Variants in CEACAM16 observed in about 807,000 individuals in gnomAD.
CEACAM16 encodes the protein cell adhesion molecule CEACAM16.
In CEACAM16, 30 loss-of-function variants were observed where a neutral mutation model predicts 39.4. The observed-to-expected ratio is 0.76, with a 90% CI of 0.57 to 1.03. The LOEUF is 1.03. Ranked by LOEUF, CEACAM16 falls within the 50% of genes least tolerant of loss-of-function variation. CEACAM16 has a pLI of 0.00. For missense variants in CEACAM16, 521 were observed against 585.3 expected, an observed-to-expected ratio of 0.89 and a Z score of 1.13; for synonymous variants, 262 against 264.9, an observed-to-expected ratio of 0.99 and a Z score of 0.11.
chr19:44,703,948 T>C, intron 3 of CEACAM16, 70 bp from the exon 4 acceptor site: 1 of 1,473,842 alleles, frequency 6.8e-7, no homozygotes, highest in Non-Finnish European at 9.1e-7. Flanking sequence ...ATGCCCCTTG[T>C]TGGGGGAAGG....
rs575750177 is a variant in CEACAM16, at chr19:44,701,769, C to G, written c.37+276C>G. Among the ~76,000 whole-genome samples the G allele has an allele frequency of 3.0e-4, 46 of 152,296 alleles. No individual in the cohort carries two copies. The highest frequency in any genetic ancestry group is 1.1e-3 in the African/African-American group (45 of 41,558). On this transcript the variant is annotated intron_variant, in intron 2 of 6. Transcript: ENST00000587331. The surrounding 1 kb of genome is among the most constrained non-coding windows in gnomAD (Gnocchi z 4.0). ...AGGGAGCCGCTGTTGCTCCTTCATT[C>G]CTGCAGGTTTCTGTTTTATCAGCTA...
intron 4 of CEACAM16, among the ~76,000 whole-genome samples, chr19:44,705,240 A>C (rs1272300443): frequency 6.6e-6 from 1 of 152,092 alleles, no homozygotes; most frequent in Non-Finnish European, 1.5e-5. Context: ...AGAACCTAGA[A>C]GCACCAATTC....
rs375371763 is a variant in CEACAM16, at chr19:44,707,848, G to A, written c.941-13G>A. 39 of 1,516,064 alleles carry A rather than the reference G, an allele frequency of 2.6e-5. No homozygotes were observed. The highest frequency in any genetic ancestry group is 2.0e-4 in the Middle Eastern group (1 of 4,990). 93.9% of individuals were successfully genotyped at this position (1,516,064 alleles called of 1,614,324 possible). ...CAGACCAAACTGACCCAGCCCGCTCGCTCTCTCCCCAGCTGCAGCAGTTGC... is the reference window on the plus strand; with the variant it reads ...CAGACCAAACTGACCCAGCCCGCTCACTCTCTCCCCAGCTGCAGCAGTTGC... On this transcript the variant is annotated splice_polypyrimidine_tract_variant and intron_variant, in intron 5 of 6. Coordinates refer to ENST00000587331, the MANE Select transcript of CEACAM16 (RefSeq NM_001039213.4).
chr19:44,706,558 T>C (rs1382405910), intron 5 of CEACAM16, among the ~76,000 whole-genome samples: 1 of 152,138 alleles, frequency 6.6e-6, no homozygotes, highest in Admixed American at 6.6e-5. Context: ...CAGTGGGGAA[T>C]GGTCGTTCCC....
rs1254795197 is a variant in CEACAM16, at chr19:44,701,495, T to C, written c.37+2T>C. The stretch of plus-strand genomic sequence containing the variant: ...GGTACAGCTGGCTGCTCCTCAGTGG[T>C]GAGCGAGAATGGCACCCCCCAGCAC... On this transcript the variant is annotated splice_donor_variant, in intron 2 of 6. Transcript: ENST00000587331. LOFTEE classifies it high-confidence loss of function. The surrounding 1 kb of genome is among the most constrained non-coding windows in gnomAD (Gnocchi z 4.0). 1.3e-6 allele frequency: 2 copies of C among 1,563,384 alleles called. No individual in the cohort carries two copies. The highest frequency in any genetic ancestry group is 2.4e-5 in the East Asian group (1 of 41,898).
Position 44,708,100 on chromosome 19 carries a change from A to AACCTCACAGAC in CEACAM16, c.1183_1193dup (p.Gly399SerfsTer54). On this transcript the variant is annotated frameshift_variant, in exon 6 of 7. Transcript: ENST00000587331. LOFTEE classifies it high-confidence loss of function. ...CTGCTCGCTGTTGGTGCAGAAGCTGAACCTCACAGACACTGGCCGCTACAC... is the reference window on the plus strand; with the variant it reads ...CTGCTCGCTGTTGGTGCAGAAGCTGAACCTCACAGACACCTCACAGACACTGGCCGCTACAC... 1.2e-6 allele frequency: 2 copies of AACCTCACAGAC among 1,611,290 alleles called. No homozygotes were observed. Among genetic ancestry groups the AACCTCACAGAC allele is most frequent in the Non-Finnish European group, 1.7e-6 (2 of 1,178,920 alleles).
chr19:44,702,557 C>T (rs1343251883), intron 2 of CEACAM16, among the ~76,000 whole-genome samples: 2 of 152,260 alleles, frequency 1.3e-5, no homozygotes, highest in Non-Finnish European at 2.9e-5. Context: ...TCAAACCACA[C>T]GTCATTCAAA....
intron 5 of CEACAM16, among the ~76,000 whole-genome samples, chr19:44,706,604 G>C (rs1480860556): frequency 2.0e-5 from 3 of 152,176 alleles, no homozygotes; most frequent in Admixed American, 2.0e-4. Context: ...CATCCAAGGG[G>C]TGGATTTTCA....
intron 5 of CEACAM16, among the ~76,000 whole-genome samples, chr19:44,706,139 C>T (rs1425650362): frequency 6.6e-6 from 1 of 152,054 alleles, no homozygotes; most frequent in Non-Finnish European, 1.5e-5. Flanking sequence ...AGGTGGGTGC[C>T]ACTGCTCTAA....
intron 5 of CEACAM16, 51 bp from the exon 6 acceptor site, chr19:44,707,810 A>C: frequency 7.0e-7 from 1 of 1,432,714 alleles, no homozygotes. Flanking sequence ...GGAAGGGGAC[A>C]CCATGCCAGA....
At chr19:44,710,051 C>G (rs1335508504) in intron 6 of CEACAM16, among the ~76,000 whole-genome samples, 1 of 152,232 alleles carries the variant, frequency 6.6e-6, no homozygotes, top group East Asian at 1.9e-4. Flanking sequence ...TTCCCCAAGT[C>G]TGGAATCTTG....
chr19:44,704,049 C>T lies in CEACAM16; in HGVS notation c.414C>T (p.Asn138=), dbSNP rs527797823. The change falls in exon 4 of 7, where the codon AAC becomes AAT. Residue 138 remains asparagine (N), a synonymous_variant. Coordinates refer to ENST00000587331, the MANE Select transcript of CEACAM16 (RefSeq NM_001039213.4). The stretch of plus-strand genomic sequence containing the variant: ...TGGCCCAGCCCACAGTCTTGGCCAA[C>T]AGCACAGCGCTGGTGGAACGTCGAG... ...EILAQPTVLA[N]STALVERRDT... is the part of the protein sequence containing the mutation. 2.5e-6 allele frequency: 4 copies of T among 1,607,210 alleles called. No individual in the cohort carries two copies. Among genetic ancestry groups the T allele is most frequent in the African/African-American group, 1.3e-5 (1 of 74,858 alleles).
chr19:44,702,219 G>A (rs1033616131), intron 2 of CEACAM16, among the ~76,000 whole-genome samples: 12 of 152,038 alleles, frequency 7.9e-5, no homozygotes, highest in African/African-American at 2.9e-4. Context: ...CTTGAATCCA[G>A]GAGGTGGAGG....
chr19:44,702,202 A>C (rs1974358199), intron 2 of CEACAM16, among the ~76,000 whole-genome samples: 1 of 152,066 alleles, frequency 6.6e-6, no homozygotes, highest in Non-Finnish European at 1.5e-5. Flanking sequence ...CTGAGGCAGG[A>C]GAATCACTTG....
Position 44,710,658 on chromosome 19 carries a change from C to T in CEACAM16, c.*152C>T, listed in dbSNP as rs909041979. 1 of 1,080,542 alleles carries T rather than the reference C, an allele frequency of 9.3e-7. No homozygotes were observed. Among genetic ancestry groups the T allele is most frequent in the Non-Finnish European group, 1.4e-6 (1 of 728,750 alleles). 66.9% of individuals were successfully genotyped at this position (1,080,542 alleles called of 1,614,324 possible). A position where few individuals can be genotyped will look rare whatever the true frequency, so the allele number is the denominator to read the frequency against. On this transcript the variant is annotated 3_prime_UTR_variant, in exon 7 of 7. Coordinates refer to ENST00000587331, the MANE Select transcript of CEACAM16 (RefSeq NM_001039213.4). ...CCACCCTAGAGCTAGAGCCACAGGGCCCCACTCCCTCGCTGAGCTGTTGGG... is the reference window on the plus strand; with the variant it reads ...CCACCCTAGAGCTAGAGCCACAGGGTCCCACTCCCTCGCTGAGCTGTTGGG...
intron 6 of CEACAM16, among the ~76,000 whole-genome samples, chr19:44,708,980 C>G (rs1974493599): frequency 6.6e-6 from 1 of 152,138 alleles, no homozygotes; most frequent in Non-Finnish European, 1.5e-5. Context: ...AACCGTGTCT[C>G]CCCATCAACT....
chr19:44,708,862 C>A (rs529399350), intron 6 of CEACAM16, among the ~76,000 whole-genome samples: 1 of 152,200 alleles, frequency 6.6e-6, no homozygotes, highest in Non-Finnish European at 1.5e-5. Flanking sequence ...CCCCATCAGA[C>A]TGGGAGCTCT....
rs1035861374 is a variant in CEACAM16, at chr19:44,701,845, G to T, written c.37+352G>T. Among the ~76,000 whole-genome samples, 1 of 152,240 alleles carries T rather than the reference G, an allele frequency of 6.6e-6. No homozygotes were observed. Among genetic ancestry groups the T allele is most frequent in the Non-Finnish European group, 1.5e-5 (1 of 68,046 alleles). ...TTCCCAGCAGCTGTTTCTCCCGGAA[G>T]ATGTAGCTTAGGGCAGTTGCCTTTC... On this transcript the variant is annotated intron_variant, in intron 2 of 6. Transcript: ENST00000587331. This position sits in a 1 kb window ranked among gnomAD's most constrained non-coding sequence, Gnocchi z 4.0.
intron 6 of CEACAM16, 108 bp downstream of exon 6, chr19:44,708,295 C>T: frequency 1.8e-6 from 2 of 1,117,298 alleles, no homozygotes; most frequent in South Asian, 1.8e-5. Context: ...AAGATGGATA[C>T]CCATCCCCCA....
Sources: allele counts gnomAD v4.1 joint callset (sites outside exome capture counted in the v4.1 genomes callset), GRCh38; gene constraint gnomAD v4.1.1; non-coding constraint Gnocchi (gnomAD v3.1); transcripts MANE v1.5; gene names NCBI Gene and HGNC (gene_info 2026-07-23, HGNC 2026-07-21).